Variants in MICU1 observed in about 807,000 individuals in gnomAD.
The protein encoded by MICU1 is calcium uptake protein 1, mitochondrial.
A neutral mutation model predicts 56.8 loss-of-function variants in MICU1; 45 were observed. The observed-to-expected ratio is 0.79, with a 90% confidence interval of 0.62 to 1.02. The LOEUF (loss-of-function observed/expected upper bound fraction) is 1.02. Among genes scored for constraint, MICU1 ranks in the 50% least tolerant of loss-of-function variants. MICU1 has a pLI of 0.00. For missense variants in MICU1, 504 were observed against 587.1 expected (o/e 0.86, Z 1.46); for synonymous variants, 186 against 195.1 (o/e 0.95, Z 0.39).
Position 72,566,796 on chromosome 10 carries a change from T to C in MICU1, c.-1-2A>G, listed in dbSNP as rs1223191598. 1.2e-6 allele frequency: 2 copies of C among 1,606,210 alleles called. No homozygotes were observed. Among genetic ancestry groups the C allele is most frequent in the East Asian group, 2.2e-5 (1 of 44,778 alleles). ...GAAAGTGAGTTCAGACGAAACATCC[T>C]GTGGACAATAAGTAGAAATGTCACT... On this transcript the variant is annotated splice_acceptor_variant, in intron 1 of 11. Coordinates refer to ENST00000361114, the MANE Select transcript of MICU1 (RefSeq NM_001195518.2). LOFTEE classifies it low-confidence loss of function (5UTR_SPLICE).
In MICU1 at chr10:72,395,160, T is replaced by G. The variant is rs529566852; in HGVS notation, c.1180+12769A>C. ...TACCACTACACTCCAGCCTGGGCAA[T>G]AGAGTGAGACTCCATCTCAAAAATT... On this transcript the variant is annotated intron_variant, in intron 10 of 11. Coordinates refer to ENST00000361114, the MANE Select transcript of MICU1 (RefSeq NM_001195518.2). Among the ~76,000 whole-genome samples the G allele has an allele frequency of 1.4e-4, 22 of 152,090 alleles. No individual in the cohort carries two copies. In the South Asian group the frequency reaches 2.3e-3, roughly 16 times the overall value.
intron 10 of MICU1, among the ~76,000 whole-genome samples, chr10:72,386,614 C>CAGT (rs1358623443): frequency 1.0e-4 from 15 of 144,924 alleles, no homozygotes; most frequent in Admixed American, 7.8e-4. Context: ...GGCTGGAGTG[C>CAGT]AGTAGCATGA....
chr10:72,569,406 T>C (rs1186775796), intron 1 of MICU1, among the ~76,000 whole-genome samples: 1 of 150,674 alleles, frequency 6.6e-6, no homozygotes, highest in Non-Finnish European at 1.5e-5. Flanking sequence ...GGCTAATTTT[T>C]GCATTTTTAA....
intron 1 of MICU1, among the ~76,000 whole-genome samples, chr10:72,605,291 G>C (rs1238648601): frequency 6.6e-6 from 1 of 152,150 alleles, no homozygotes; most frequent in Non-Finnish European, 1.5e-5. Context: ...ACCCTATATG[G>C]TCAGAAATGG....
intron 1 of MICU1, among the ~76,000 whole-genome samples, chr10:72,569,238 T>TATATATATATATATATATATATATATA (rs1554890955): frequency 3.4e-5 from 1 of 29,786 alleles, no homozygotes; most frequent in African/African-American, 1.1e-4. Context: ...TATATATATA[T>TATATATATATATATATATATATATATA]TTTTTTTTTT....
chr10:72,537,602 C>T (rs1325816035), intron 4 of MICU1, among the ~76,000 whole-genome samples: 1 of 152,108 alleles, frequency 6.6e-6, no homozygotes, highest in Non-Finnish European at 1.5e-5. Flanking sequence ...ATAAACACTA[C>T]CTTTGCCTTT....
intron 8 of MICU1, among the ~76,000 whole-genome samples, chr10:72,468,218 T>C (rs973800061): frequency 2.0e-5 from 3 of 152,122 alleles, no homozygotes; most frequent in African/African-American, 7.2e-5. Context: ...TGGAATTCTA[T>C]TAGATAATAC....
intron 5 of MICU1, among the ~76,000 whole-genome samples, chr10:72,520,315 T>C (rs985717151): frequency 1.3e-5 from 2 of 152,170 alleles, no homozygotes; most frequent in Non-Finnish European, 2.9e-5. Context: ...AATCACACTA[T>C]TTCCAATCAA....
At chr10:72,471,083 C>T (rs1331580340) in intron 8 of MICU1, among the ~76,000 whole-genome samples, 2 of 151,996 alleles carry the variant, frequency 1.3e-5, no homozygotes, top group African/African-American at 2.4e-5. Flanking sequence ...CATGGGCATG[C>T]TACACAATAT....
chr10:72,600,834 C>T lies in MICU1; in HGVS notation c.-2+25176G>A, dbSNP rs376540437. Among the ~76,000 whole-genome samples, 89 of 152,198 alleles carry T rather than the reference C, an allele frequency of 5.8e-4. No homozygotes were observed. In the East Asian group the frequency reaches 8.3e-3, roughly 14 times the overall value. On this transcript the variant is annotated intron_variant, in intron 1 of 11. Transcript: ENST00000361114. ...CAGCAATCAGGTTCAGTACTATCTG[C>T]TGTTTCAGGCATCCACTGAGGGTCT...
intron 8 of MICU1, among the ~76,000 whole-genome samples, chr10:72,431,144 T>TATC (rs1399351850): frequency 1.4e-5 from 1 of 71,816 alleles, no homozygotes; most frequent in Non-Finnish European, 3.5e-5. Flanking sequence ...ATCTATCTAT[T>TATC]TTCTGAGATA....
At chr10:72,563,959 G>A (rs1272429810) in intron 2 of MICU1, among the ~76,000 whole-genome samples, 1 of 151,958 alleles carries the variant, frequency 6.6e-6, no homozygotes, top group African/African-American at 2.4e-5. Context: ...ACAATAAAAA[G>A]GAACATAAAT....
At position 72,484,665 on chromosome 10, in the gene MICU1, G is replaced by A. The variant is rs115179809; in HGVS notation, c.653-7409C>T. ...ACTGCTTGAGCTCAGGAGATCAGAG[G>A]ATCACCTGAACCTGGGGAGGTTGAG... On this transcript the variant is annotated intron_variant, in intron 6 of 11. Transcript: ENST00000361114. Among the ~76,000 whole-genome samples, 421 of 152,228 alleles carry A rather than the reference G, an allele frequency of 2.8e-3. 3 individuals are homozygous for A. The highest frequency in any genetic ancestry group is 9.6e-3 in the African/African-American group (397 of 41,552).
At chr10:72,574,636 A>C (rs1382099004) in intron 1 of MICU1, among the ~76,000 whole-genome samples, 2 of 152,222 alleles carry the variant, frequency 1.3e-5, no homozygotes, top group Non-Finnish European at 2.9e-5. Context: ...AGAGTATGTC[A>C]GTCTAAAAAA....
intron 6 of MICU1, among the ~76,000 whole-genome samples, chr10:72,503,771 A>G (rs925324962): frequency 6.6e-6 from 1 of 152,130 alleles, no homozygotes; most frequent in Non-Finnish European, 1.5e-5. Context: ...AAGTTTCAGG[A>G]TACAAAATCA....
intron 1 of MICU1, among the ~76,000 whole-genome samples, chr10:72,625,349 T>G (rs927416634): frequency 6.6e-6 from 1 of 152,212 alleles, no homozygotes; most frequent in Admixed American, 6.5e-5. Context: ...AGAAGGCAAC[T>G]TGAAGAACAG....
rs753308122 is a variant in MICU1, at chr10:72,523,907, T to C, written c.537+9839A>G. On this transcript the variant is annotated intron_variant, in intron 5 of 11. Coordinates refer to ENST00000361114, the MANE Select transcript of MICU1 (RefSeq NM_001195518.2). ...GCTTTTCCAAATTAAAGTCATTGAT[T>C]AGCTCAGAAAAGCAAAATAATAAAG... 3 of 1,508,054 alleles carry C rather than the reference T, an allele frequency of 2.0e-6. No homozygotes were observed. In the South Asian group the frequency reaches 3.8e-5, roughly 19 times the overall value. 93.4% of individuals were successfully genotyped at this position (1,508,054 alleles called of 1,614,324 possible).
intron 1 of MICU1, among the ~76,000 whole-genome samples, chr10:72,617,829 C>T (rs1842018095): frequency 6.6e-6 from 1 of 152,010 alleles, no homozygotes. Context: ...GAGACCCCAA[C>T]TCAAAACAAC....
At chr10:72,368,628 G>A (rs1454104507) in intron 11 of MICU1, among the ~76,000 whole-genome samples, 3 of 152,176 alleles carry the variant, frequency 2.0e-5, no homozygotes, top group Non-Finnish European at 4.4e-5. Flanking sequence ...AGATAAATGA[G>A]CTTTGTGCTT....
Sources: allele counts gnomAD v4.1 joint callset (sites outside exome capture counted in the v4.1 genomes callset), GRCh38; gene constraint gnomAD v4.1.1; transcripts MANE v1.5; gene names NCBI Gene and HGNC (gene_info 2026-07-23, HGNC 2026-07-21).